Variants in MBD1 observed in about 807,000 individuals in gnomAD.
MBD1 encodes methyl-CpG-binding domain protein 1.
MBD1 carries 25 observed loss-of-function variants against 82.6 expected under a neutral mutation model. The observed-to-expected ratio is 0.30, with a 90% CI of 0.22 to 0.42. The LOEUF is 0.42. MBD1 is among the 10% of genes least tolerant of loss of function. The pLI is 1.00. For missense variants in MBD1, 627 were observed against 819.6 expected, an observed-to-expected ratio of 0.76 and a Z score of 2.87; for synonymous variants, 301 against 303.7, an observed-to-expected ratio of 0.99 and a Z score of 0.09.
rs1368914207 is a variant in MBD1 at position 50,274,996 on chromosome 18, C to T, written c.959G>A (p.Cys320Tyr). 1.9e-6 allele frequency: 3 copies of T among 1,614,240 alleles called. No homozygotes were observed. The highest frequency in any genetic ancestry group is 2.2e-5 in the East Asian group (1 of 44,888). The change falls in exon 10 of 17, where the codon TGT becomes TAT. Residue 320 changes from cysteine (C) to tyrosine (Y), a missense_variant. Physicochemically the swap from Cys to Tyr is radical, Grantham distance 194. Coordinates refer to ENST00000269468, the MANE Select transcript of MBD1 (RefSeq NM_015846.4). The part of the protein sequence containing the change: ...PSPPAEFIYY[C>Y]VDEDELQPYT... ...ACTCACTAGCTCGTCCTCGTCTACA[C>T]AGTAATAGATGAACTCGGCAGGTGG...
chr18:50,271,120 G>T, intron 16 of MBD1: 2 of 1,131,766 alleles, frequency 1.8e-6, no homozygotes, highest in African/African-American at 1.6e-5. Flanking sequence ...ACACTGCCAG[G>T]TCTCATCCAG....
Position 50,269,811 on chromosome 18 carries a change from C to T in MBD1, c.*40G>A, listed in dbSNP as rs2034718377. 1.3e-6 allele frequency: 1 copy of T among 792,406 alleles called. No homozygotes were observed. Among genetic ancestry groups the T allele is most frequent in the Non-Finnish European group, 2.3e-6 (1 of 428,676 alleles). 49.1% of individuals were successfully genotyped at this position (792,406 alleles called of 1,614,324 possible). On this transcript the variant is annotated 3_prime_UTR_variant, in exon 17 of 17. Transcript: ENST00000269468. ...CCATCTTCCCTTCCCGAGTGCCTGCCCTGCAGACTTCAAGCTCCAGCATTA... is the reference window on the plus strand; with the variant it reads ...CCATCTTCCCTTCCCGAGTGCCTGCTCTGCAGACTTCAAGCTCCAGCATTA...
intron 5 of MBD1, 98 bp downstream of exon 5, chr18:50,276,564 C>T (rs2037998146): frequency 7.5e-6 from 11 of 1,476,190 alleles, no homozygotes; most frequent in South Asian, 1.2e-5. Context: ...TGCCAGTAGC[C>T]TCTGTCCTGA....
In MBD1 at chr18:50,273,375, C is replaced by G. The variant is rs1186450265; in HGVS notation, c.1543G>C (p.Val515Leu). The change falls in exon 13 of 17, where the codon GTC becomes CTC. Residue 515 changes from valine (V) to leucine (L), a missense_variant. Around this residue, in one of 6 missense-constraint regions of MBD1, gnomAD observed 265 missense variants for 278.4 expected, o/e 0.95. Coordinates refer to ENST00000269468, the MANE Select transcript of MBD1 (RefSeq NM_015846.4). ...TQDEWTPGTA[V>L]LTSPVLVPGC... ...GGCACCAATACGGGAGAAGTCAGGACAGCTGTGCCTGGTGTCCACTCGTCC... is the reference window on the plus strand; with the variant it reads ...GGCACCAATACGGGAGAAGTCAGGAGAGCTGTGCCTGGTGTCCACTCGTCC... The G allele has an allele frequency of 1.2e-6, 2 of 1,614,096 alleles. No individual in the cohort carries two copies. The highest frequency in any genetic ancestry group is 1.3e-5 in the African/African-American group (1 of 74,940).
At chr18:50,267,158 G>C (rs1403255175), downstream of MBD1, 1 of 165,144 alleles carries the variant, frequency 6.1e-6, no homozygotes, top group Non-Finnish European at 1.3e-5. Flanking sequence ...CTGCTCCTGG[G>C]TTCAAGCGAT....
chr18:50,279,814 C>T, intron 2 of MBD1, 69 bp downstream of exon 2: 2 of 1,602,376 alleles, frequency 1.2e-6, no homozygotes. Flanking sequence ...TAAATTTAAC[C>T]ACACCATTTG....
intron 15 of MBD1, among the ~76,000 whole-genome samples, chr18:50,272,024 T>C (rs1277347764): frequency 2.0e-5 from 3 of 152,206 alleles, no homozygotes; most frequent in African/African-American, 4.8e-5. Flanking sequence ...CTTTGTTCTA[T>C]GCCAGGACTA....
downstream of MBD1, chr18:50,267,544 CTGGT>C (rs1401339438): frequency 7.8e-7 from 1 of 1,279,588 alleles, no homozygotes; most frequent in Non-Finnish European, 1.1e-6. Context: ...AGTCCAGTAA[CTGGT>C]TTCTGAGAAT....
chr18:50,281,329 G>C, intron 1 of MBD1, 34 bp downstream of exon 1: 1 of 1,121,522 alleles, frequency 8.9e-7, no homozygotes, highest in South Asian at 1.3e-5. Context: ...CTCCGCCTGA[G>C]CGCTCTCCAC....
intron 13 of MBD1, 91 bp from the exon 14 acceptor site, chr18:50,273,046 T>A (rs1388795560): frequency 6.6e-7 from 1 of 1,511,110 alleles, no homozygotes; most frequent in Non-Finnish European, 9.2e-7. Context: ...TGCTGACAAA[T>A]CCTACTTCCA....
In MBD1 at chr18:50,281,401, C is replaced by T. The variant is rs1010799672; in HGVS notation, c.-64G>A. On this transcript the variant is annotated 5_prime_UTR_variant, in exon 1 of 17. Transcript: ENST00000269468. ...GGCCGGTATCTTCCGCCACTCTAGG[C>T]CCGTGGACCCATGGCGAGGGTCCCT... 1 of 647,976 alleles carries T rather than the reference C, an allele frequency of 1.5e-6. No homozygotes were observed. The highest frequency in any genetic ancestry group is 2.7e-6 in the Non-Finnish European group (1 of 364,518). 40.1% of individuals were successfully genotyped at this position (647,976 alleles called of 1,614,324 possible).
At chr18:50,276,591 C>T in intron 5 of MBD1, 71 bp downstream of exon 5, 1 of 1,562,394 alleles carries the variant, frequency 6.4e-7, no homozygotes, top group Non-Finnish European at 8.8e-7. Context: ...CATTCAAACC[C>T]CAGCCTAGCA....
Position 50,276,859 on chromosome 18 carries a change from G to A in MBD1, c.365C>T (p.Thr122Ile), listed in dbSNP as rs773074278. ...PRDETKADTD[T>I]APASFPAPGC... The stretch of plus-strand genomic sequence containing the variant: ...AGGAGCAGGGAATGAAGCTGGGGCT[G>A]TGTCAGTGTCAGCCTTGGTCTCATC... Residue 122 changes from threonine to isoleucine, a missense_variant, in exon 4 of 17, where the codon ACA (threonine) becomes ATA (isoleucine). Thr to Ile is a moderately conservative substitution (Grantham distance 89). Transcript: ENST00000269468. 17 of 1,614,124 alleles carry A rather than the reference G, an allele frequency of 1.1e-5. No individual in the cohort carries two copies. Among genetic ancestry groups the A allele is most frequent in the South Asian group, 2.2e-5 (2 of 91,086 alleles).
chr18:50,272,536 CATTA>C (rs2036016558), intron 15 of MBD1, 137 bp downstream of exon 15: 2 of 904,052 alleles, frequency 2.2e-6, no homozygotes, highest in African/African-American at 1.6e-5. Context: ...ACACGCCCCT[CATTA>C]ATTGTGACCA....
chr18:50,272,311 G>A (rs754242099), intron 15 of MBD1, among the ~76,000 whole-genome samples: 1 of 152,074 alleles, frequency 6.6e-6, no homozygotes, highest in Non-Finnish European at 1.5e-5. Context: ...GACTCTAAAG[G>A]CCTTCAAGAC....
chr18:50,276,751 T>G lies in MBD1; in HGVS notation c.393-7A>C, dbSNP rs1471552071. The G allele has an allele frequency of 2.5e-6, 4 of 1,614,032 alleles. No individual in the cohort carries two copies. The African/African-American group carries it at 4.0e-5, about 16-fold the overall frequency. ...TCCACAGTTCTCACAGCACCTGGGA[T>G]GGGAAAGGCAGGTGTGGGGCTCCAA... On this transcript the variant is annotated splice_region_variant and splice_polypyrimidine_tract_variant and intron_variant, in intron 4 of 16. Transcript: ENST00000269468.
chr18:50,280,160 A>C, intron 1 of MBD1, 143 bp from the exon 2 acceptor site: 1 of 691,044 alleles, frequency 1.4e-6, no homozygotes, highest in Non-Finnish European at 2.4e-6. Flanking sequence ...ATATATGGAA[A>C]AGAAACCCCT....
chr18:50,274,621 A>G (rs763004429), intron 10 of MBD1, among the ~76,000 whole-genome samples: 1 of 152,180 alleles, frequency 6.6e-6, no homozygotes, highest in Non-Finnish European at 1.5e-5. Context: ...CTAGGCCACC[A>G]CTAGCTACCA....
rs746539791 is a variant in MBD1, at chr18:50,276,974, T to G, written c.250A>C (p.Lys84Gln). The stretch of plus-strand genomic sequence containing the variant: ...GGCCTTGAAGGCTTCTTTCGCTTCT[T>G]GCTGGCAACCGCCACGGGATGGGCC... Reference protein sequence around the residue: ...PKAHPVAVASKKRKKPSRPAK... With the variant: ...PKAHPVAVASQKRKKPSRPAK... Residue 84 changes from lysine to glutamine, a missense_variant, in exon 4 of 17, where the codon AAG becomes CAG. Physicochemically the swap from Lys to Gln is moderately conservative, Grantham distance 53. This residue lies in a region of MBD1 where 75 missense variants were observed against 74.7 expected (regional missense o/e 1.00). Coordinates refer to ENST00000269468, the MANE Select transcript of MBD1 (RefSeq NM_015846.4). 10 of 1,614,112 alleles carry G rather than the reference T, an allele frequency of 6.2e-6. No individual in the cohort carries two copies. Among genetic ancestry groups the G allele is most frequent in the Non-Finnish European group, 8.5e-6 (10 of 1,180,050 alleles).
Sources: allele counts gnomAD v4.1 joint callset (sites outside exome capture counted in the v4.1 genomes callset), GRCh38; gene constraint gnomAD v4.1.1; regional missense constraint gnomAD v4.1.1; transcripts MANE v1.5; gene names NCBI Gene and HGNC (gene_info 2026-07-23, HGNC 2026-07-21).